Variants in KAZN observed in about 807,000 individuals in gnomAD.
KAZN encodes the protein kazrin, periplakin interacting protein.
Under a neutral mutation model 87.4 loss-of-function variants are expected in KAZN, and 40 were observed. The ratio of observed to expected loss-of-function variants is 0.46; its 90% CI spans 0.36 to 0.60. KAZN has a LOEUF of 0.60. Ranked by LOEUF, KAZN falls within the 20% of genes least tolerant of loss-of-function variation. KAZN has a pLI of 0.00. For missense variants in KAZN, 898 were observed against 1,073.9 expected (o/e 0.84, Z 2.29); for synonymous variants, 466 against 458.3 (o/e 1.02, Z -0.22).
intron 2 of KAZN, among the ~76,000 whole-genome samples, chr1:14,392,798 C>A (rs1415000129): frequency 1.3e-5 from 2 of 152,132 alleles, no homozygotes; most frequent in African/African-American, 4.8e-5. Flanking sequence ...GCTAGTTTAG[C>A]CCAGTGGAAT....
At chr1:14,145,631 A>G (rs1645332633) in intron 1 of KAZN, among the ~76,000 whole-genome samples, 1 of 150,738 alleles carries the variant, frequency 6.6e-6, no homozygotes, top group Non-Finnish European at 1.5e-5. Context: ...TCCAGGCTGG[A>G]GTGCAGTGGT....
chr1:14,251,503 A>G (rs1417743475), intron 2 of KAZN, among the ~76,000 whole-genome samples: 2 of 152,086 alleles, frequency 1.3e-5, no homozygotes, highest in Non-Finnish European at 2.9e-5. Context: ...CCTTATTAAG[A>G]CATTCTGGGA....
At chr1:14,481,855 G>C (rs375564549) in intron 2 of KAZN, among the ~76,000 whole-genome samples, 1 of 152,262 alleles carries the variant, frequency 6.6e-6, no homozygotes, top group South Asian at 2.1e-4. Flanking sequence ...GAATGTTCTG[G>C]AACTCTCATC....
chr1:14,998,605 G>A (rs1668140962), intron 2 of KAZN, among the ~76,000 whole-genome samples: 1 of 152,128 alleles, frequency 6.6e-6, no homozygotes, highest in Admixed American at 6.5e-5. Context: ...CTGGAGTGCA[G>A]TGGTGCCATC....
chr1:14,184,937 G>A lies in KAZN; in HGVS notation c.249+4345G>A, dbSNP rs908752725. On this transcript the variant is annotated intron_variant, in intron 2 of 16. Coordinates refer to the KAZN transcript ENST00000636203. This position sits in a 1 kb window ranked among gnomAD's most constrained non-coding sequence, Gnocchi z 4.2. ...CTTTCCATCCCTCCAGATTCTTTCCGAAGTTGATACTGTGGTCAAGGTAGG... is the reference window on the plus strand; with the variant it reads ...CTTTCCATCCCTCCAGATTCTTTCCAAAGTTGATACTGTGGTCAAGGTAGG... Among the ~76,000 whole-genome samples, 3 of 152,118 alleles carry A rather than the reference G, an allele frequency of 2.0e-5. No individual in the cohort carries two copies. Among genetic ancestry groups the A allele is most frequent in the East Asian group, 1.9e-4 (1 of 5,184 alleles).
intron 1 of KAZN, among the ~76,000 whole-genome samples, chr1:14,723,458 G>A (rs549101863): frequency 4.6e-5 from 7 of 152,314 alleles, no homozygotes; most frequent in Non-Finnish European, 1.0e-4. Context: ...TGCTCATCAC[G>A]GCCTGTGGCC....
chr1:14,396,698 T>C (rs1049137432), intron 2 of KAZN, among the ~76,000 whole-genome samples: 2 of 152,190 alleles, frequency 1.3e-5, no homozygotes, highest in African/African-American at 4.8e-5. Flanking sequence ...TACCCCTCCA[T>C]CACTTCGTTA....
intron 8 of KAZN, among the ~76,000 whole-genome samples, chr1:15,084,236 G>A (rs1241220008): frequency 6.6e-6 from 1 of 152,184 alleles, no homozygotes; most frequent in Non-Finnish European, 1.5e-5. Flanking sequence ...ATACAAATAT[G>A]GAAAGACTTG....
intron 2 of KAZN, among the ~76,000 whole-genome samples, chr1:14,492,958 C>T (rs2148412575): frequency 6.6e-6 from 1 of 152,056 alleles, no homozygotes; most frequent in Admixed American, 6.5e-5. Context: ...TTAATCAGGT[C>T]CCGGCCCTCT....
At position 13,965,267 on chromosome 1, in the gene KAZN, G is replaced by GACCT. The variant is rs564195443; in HGVS notation, c.91+71512_91+71515dup. Among the ~76,000 whole-genome samples the GACCT allele has an allele frequency of 6.6e-5, 10 of 152,278 alleles. No individual in the cohort carries two copies. The South Asian group carries it at 2.1e-3, about 32-fold the overall frequency. ...TAGGGGGCAAGGGTCCAAGCAGGGGGACCTGATGGGAGGCTCCTGGGGAGG... is the reference window on the plus strand; with the variant it reads ...TAGGGGGCAAGGGTCCAAGCAGGGGGACCTACCTGATGGGAGGCTCCTGGGGAGG... On this transcript the variant is annotated intron_variant, in intron 1 of 16. Transcript: ENST00000636203.
chr1:14,198,378 T>A (rs1646571929), intron 2 of KAZN, among the ~76,000 whole-genome samples: 1 of 152,104 alleles, frequency 6.6e-6, no homozygotes. Context: ...GGTGGGAGAA[T>A]CACTTGAGGC....
At chr1:14,845,527 G>T (rs1365721576) in intron 1 of KAZN, among the ~76,000 whole-genome samples, 1 of 149,194 alleles carries the variant, frequency 6.7e-6, no homozygotes, top group Non-Finnish European at 1.5e-5. Flanking sequence ...GGATGAATGG[G>T]TAAGTAGGTG....
intron 2 of KAZN, among the ~76,000 whole-genome samples, chr1:14,244,653 G>A (rs1380413646): frequency 6.6e-6 from 1 of 152,098 alleles, no homozygotes; most frequent in Non-Finnish European, 1.5e-5. Flanking sequence ...GTTAAGGAAG[G>A]TGGTTTTGGG....
intron 8 of KAZN, among the ~76,000 whole-genome samples, chr1:15,068,774 A>G (rs1304627462): frequency 6.6e-6 from 1 of 151,966 alleles, no homozygotes. Context: ...CATAGTCAGT[A>G]CCCTCAATCT....
chr1:14,317,901 A>C (rs182100176), intron 2 of KAZN, among the ~76,000 whole-genome samples: 28 of 152,066 alleles, frequency 1.8e-4, no homozygotes, highest in African/African-American at 6.3e-4. Context: ...TTTATTTTTT[A>C]GGGGGCTGTG....
intron 1 of KAZN, among the ~76,000 whole-genome samples, chr1:14,048,200 T>A (rs1275225241): frequency 6.6e-6 from 1 of 152,210 alleles, no homozygotes; most frequent in Non-Finnish European, 1.5e-5. Flanking sequence ...AGCATAATAA[T>A]ACCCAGCATG....
intron 1 of KAZN, among the ~76,000 whole-genome samples, chr1:14,777,958 G>C (rs961455283): frequency 2.0e-5 from 3 of 152,094 alleles, no homozygotes; most frequent in African/African-American, 7.2e-5. Context: ...CCATGAGGAC[G>C]ATCAAAGGTC....
intron 4 of KAZN, among the ~76,000 whole-genome samples, chr1:15,047,020 T>C (rs1170498959): frequency 6.6e-6 from 1 of 152,198 alleles, no homozygotes; most frequent in East Asian, 1.9e-4. Flanking sequence ...GTCTGGACAC[T>C]CAGCCTGTTT....
rs1639236085 is a variant in KAZN, at chr1:15,066,501, A to T, written c.1222+748A>T. The T allele has an allele frequency of 1.0e-6, 1 of 985,350 alleles. No homozygotes were observed. The allele number at this position is 985,350 out of a possible 1,614,324, so 61.0% of individuals were successfully genotyped here. A position where few individuals can be genotyped will look rare whatever the true frequency, so the allele number is the denominator to read the frequency against. On this transcript the variant is annotated intron_variant, in intron 8 of 14. Coordinates refer to ENST00000376030, the MANE Select transcript of KAZN (RefSeq NM_201628.3). The surrounding 1 kb of genome is among the most constrained non-coding windows in gnomAD (Gnocchi z 4.3). ...TCTTGGCTGGGTTTGTCAGAGGTCA[A>T]ACCGGCTCTTTTAAACGGCCTACCA...
Sources: gnomAD v4.1 joint callset for allele counts (sites outside exome capture counted in the v4.1 genomes callset) on GRCh38, gnomAD v4.1.1 for gene constraint, Gnocchi (gnomAD v3.1) non-coding constraint, MANE v1.5 for transcripts, NCBI Gene and HGNC (gene_info 2026-07-23, HGNC 2026-07-21) for gene names.